GNG12: variants seen among roughly 807,000 people sequenced by gnomAD.
The protein encoded by GNG12 is guanine nucleotide-binding protein G(I)/G(S)/G(O) subunit gamma-12.
For synonymous variants in GNG12, 28 were observed against 29.7 expected (o/e 0.94, Z 0.19); for missense variants, 69 against 83.8 (o/e 0.82, Z 0.69).
rs529345623 is a variant in GNG12, at chr1:67,735,540, T to C, written c.-26-27828A>G. 7.9e-5 allele frequency among the ~76,000 whole-genome samples: 12 copies of C among 152,334 alleles called. No homozygotes were observed. The South Asian group carries it at 1.9e-3, about 24-fold the overall frequency. ...CAAAAATGGGAGTGGCAACAGTCTC[T>C]ACATCTCATGGAACTATCTGAGGAT... On this transcript the variant is annotated intron_variant, in intron 2 of 3. Transcript: ENST00000370982.
At chr1:67,735,285 A>G (rs1646446752) in intron 2 of GNG12, among the ~76,000 whole-genome samples, 1 of 152,226 alleles carries the variant, frequency 6.6e-6, no homozygotes, top group African/African-American at 2.4e-5. Flanking sequence ...TTCCTGCACT[A>G]AGATACATTT....
rs112222557 is a variant in GNG12 at position 67,810,406 on chromosome 1, C to T, written c.-77+22938G>A. Among the ~76,000 whole-genome samples, 1,346 of 152,132 alleles carry T rather than the reference C, an allele frequency of 8.8e-3. 4 individuals are homozygous for T. Among genetic ancestry groups the T allele is most frequent in the Non-Finnish European group, 0.013 (913 of 67,994 alleles). On this transcript the variant is annotated intron_variant, in intron 1 of 3. Transcript: ENST00000370982. Reference sequence around the variant, plus strand: ...AGTGAATCCTAATGTAAACTATGAACCTTGGCTGATAATGATGTGTCAACT... The same window carrying T: ...AGTGAATCCTAATGTAAACTATGAATCTTGGCTGATAATGATGTGTCAACT...
intron 1 of GNG12, among the ~76,000 whole-genome samples, chr1:67,814,429 A>T (rs1557625860): frequency 6.6e-6 from 1 of 152,226 alleles, no homozygotes; most frequent in Non-Finnish European, 1.5e-5. Flanking sequence ...AACTGTTCCT[A>T]CCTATTAATT....
intron 2 of GNG12, among the ~76,000 whole-genome samples, chr1:67,709,096 G>A (rs760668016): frequency 2.0e-5 from 3 of 152,200 alleles, no homozygotes; most frequent in Non-Finnish European, 4.4e-5. Flanking sequence ...TGGGTCAAAT[G>A]CACAAATAAA....
intron 2 of GNG12, among the ~76,000 whole-genome samples, chr1:67,748,146 A>G (rs1646517307): frequency 6.6e-6 from 1 of 152,122 alleles, no homozygotes; most frequent in Non-Finnish European, 1.5e-5. Context: ...GAGATAAAGA[A>G]CTTTCCTTTT....
At chr1:67,811,660 ACTGC>A in intron 1 of GNG12, among the ~76,000 whole-genome samples, 1 of 152,320 alleles carries the variant, frequency 6.6e-6, no homozygotes, top group Middle Eastern at 3.4e-3. Context: ...TTGATGTTAC[ACTGC>A]CTGTTGCCCA....
chr1:67,791,596 C>T (rs1008480077), intron 1 of GNG12, among the ~76,000 whole-genome samples: 1 of 152,118 alleles, frequency 6.6e-6, no homozygotes, highest in Non-Finnish European at 1.5e-5. Flanking sequence ...TGGCTCCTTT[C>T]TCACCAACTG....
chr1:67,766,517 T>C (rs1570528631), intron 2 of GNG12, among the ~76,000 whole-genome samples: 1 of 151,958 alleles, frequency 6.6e-6, no homozygotes, highest in Non-Finnish European at 1.5e-5. Flanking sequence ...AGCACAACCC[T>C]GAAGGCCGGC....
chr1:67,796,103 G>A (rs1165269394), intron 1 of GNG12, among the ~76,000 whole-genome samples: 2 of 152,176 alleles, frequency 1.3e-5, no homozygotes, highest in Non-Finnish European at 2.9e-5. Context: ...AGAAAACCAT[G>A]CCTTCTATGT....
chr1:67,812,632 G>C (rs1435005721), intron 1 of GNG12, among the ~76,000 whole-genome samples: 1 of 152,190 alleles, frequency 6.6e-6, no homozygotes. Context: ...CGAAAAGAAG[G>C]CCTCTCACTT....
intron 2 of GNG12, among the ~76,000 whole-genome samples, chr1:67,771,089 G>A (rs1398797714): frequency 6.6e-6 from 1 of 152,142 alleles, no homozygotes; most frequent in Admixed American, 6.5e-5. Flanking sequence ...AACCAGAAAA[G>A]TCATGGGCCT....
intron 2 of GNG12, among the ~76,000 whole-genome samples, chr1:67,722,295 A>G (rs1646360452): frequency 6.6e-6 from 1 of 152,074 alleles, no homozygotes; most frequent in Non-Finnish European, 1.5e-5. Context: ...TGGATTCAGG[A>G]GAGAAAAAGG....
rs139186381 is a variant in GNG12 at position 67,725,323 on chromosome 1, G to A, written c.-26-17611C>T. 5.0e-3 allele frequency among the ~76,000 whole-genome samples: 765 copies of A among 152,126 alleles called. 4 individuals carry two copies. Among genetic ancestry groups the A allele is most frequent in the Non-Finnish European group, 7.0e-3 (476 of 68,000 alleles). On this transcript the variant is annotated intron_variant, in intron 2 of 3. Transcript: ENST00000370982. ...CTCATCTCACCTTCTCCCATAACAC[G>A]CTAGCAAGGAAACATGCCCTCACCA...
At chr1:67,724,499 C>T (rs1646374987) in intron 2 of GNG12, among the ~76,000 whole-genome samples, 1 of 152,172 alleles carries the variant, frequency 6.6e-6, no homozygotes, top group African/African-American at 2.4e-5. Context: ...AAGTGATTCT[C>T]CTGCCTCAGC....
intron 3 of GNG12, among the ~76,000 whole-genome samples, chr1:67,706,655 TC>T (rs1444319579): frequency 2.2e-4 from 20 of 92,776 alleles, no homozygotes; most frequent in Admixed American, 1.7e-3. Context: ...TTCTTTTCTT[TC>T]TTTTTTTTTT....
chr1:67,719,984 G>A (rs531249778), intron 2 of GNG12, among the ~76,000 whole-genome samples: 1 of 152,250 alleles, frequency 6.6e-6, no homozygotes, highest in Non-Finnish European at 1.5e-5. Context: ...CACCCTGGGT[G>A]TTTGCGTGCC....
chr1:67,781,956 G>T (rs1646740005), intron 1 of GNG12, among the ~76,000 whole-genome samples: 1 of 152,070 alleles, frequency 6.6e-6, no homozygotes. Context: ...GTACATGTGG[G>T]TCTTTAAATT....
intron 2 of GNG12, among the ~76,000 whole-genome samples, chr1:67,741,450 C>T (rs1375248835): frequency 6.6e-6 from 1 of 152,192 alleles, no homozygotes; most frequent in Non-Finnish European, 1.5e-5. Flanking sequence ...AGTCCCTCAC[C>T]AGCTACCAGT....
intron 1 of GNG12, among the ~76,000 whole-genome samples, chr1:67,825,064 G>C (rs1187255471): frequency 6.6e-6 from 1 of 152,158 alleles, no homozygotes; most frequent in Non-Finnish European, 1.5e-5. Flanking sequence ...AAAAAAGAGG[G>C]CAAGGCATGT....
Sources: gnomAD v4.1 joint callset for allele counts (sites outside exome capture counted in the v4.1 genomes callset) on GRCh38, gnomAD v4.1.1 for gene constraint, MANE v1.5 for transcripts, NCBI Gene and HGNC (gene_info 2026-07-23, HGNC 2026-07-21) for gene names.